The following TRPM3 variants were observed in gnomAD, a reference collection of about 807,000 sequenced individuals.
TRPM3 encodes the protein transient receptor potential cation channel subfamily M member 3.
TRPM3 carries 77 observed loss-of-function variants against 181.2 expected under a neutral mutation model. The ratio of observed to expected loss-of-function variants is 0.42; its 90% CI spans 0.35 to 0.51. TRPM3 has a LOEUF of 0.51. TRPM3 is among the 20% of genes least tolerant of loss of function. The probability of loss-of-function intolerance (pLI) is 0.01; values close to 1 mark genes in which losing one functional copy is unlikely to be tolerated. For synonymous variants in TRPM3, 745 were observed against 796.4 expected, an observed-to-expected ratio of 0.94 and a Z score of 1.09; for missense variants, 1,759 against 2,196.7, an observed-to-expected ratio of 0.80 and a Z score of 3.98.
At chr9:70,808,360 C>T (rs1389297388) in intron 6 of TRPM3, among the ~76,000 whole-genome samples, 3 of 152,186 alleles carry the variant, frequency 2.0e-5, no homozygotes, top group South Asian at 2.1e-4. Flanking sequence ...TACTTGTTTA[C>T]AAGAACTATC....
chr9:70,618,878 A>G lies in TRPM3; in HGVS notation c.2347T>C (p.Ser783Pro), dbSNP rs2063192828. 1 of 1,606,058 alleles carries G rather than the reference A, an allele frequency of 6.2e-7. No individual in the cohort carries two copies. The highest frequency in any genetic ancestry group is 1.3e-5 in the African/African-American group (1 of 74,936). ...TTGGGCGCCCTGACCTTGAGGCCTG[A>G]GTTCTTGCGCATGCGGAGCCGGCCC... ...WMGRLRMRKN[S>P]GLKVILGILL... The change falls in exon 17 of 26, where the codon TCA becomes CCA. Residue 783 changes from serine (S) to proline (P), a missense_variant. Around this residue, in one of 8 missense-constraint regions of TRPM3, gnomAD observed 114 missense variants for 134.8 expected, o/e 0.85. Transcript: ENST00000677713.
intron 6 of TRPM3, among the ~76,000 whole-genome samples, chr9:70,800,057 G>T (rs959914575): frequency 1.3e-5 from 2 of 152,080 alleles, no homozygotes; most frequent in Admixed American, 1.3e-4. Flanking sequence ...ATTGAACAAA[G>T]TTGAGCCTCT....
intron 1 of TRPM3, among the ~76,000 whole-genome samples, chr9:71,271,151 C>T (rs2083758431): frequency 6.6e-6 from 1 of 152,030 alleles, no homozygotes; most frequent in South Asian, 2.1e-4. Context: ...ACCATTATAC[C>T]TTCTCATATA....
At chr9:70,956,159 T>G (rs1004456875) in intron 1 of TRPM3, among the ~76,000 whole-genome samples, 1 of 152,118 alleles carries the variant, frequency 6.6e-6, no homozygotes, top group East Asian at 1.9e-4. Flanking sequence ...GATTAAGGAA[T>G]TGGGCATGTT....
rs371912086 is a variant in TRPM3 at position 70,537,360 on chromosome 9, C to T, written c.3753G>A (p.Glu1251=). The T allele has an allele frequency of 1.3e-6, 2 of 1,498,582 alleles. No individual in the cohort carries two copies. Among genetic ancestry groups the T allele is most frequent in the Non-Finnish European group, 1.8e-6 (2 of 1,122,798 alleles). The allele number at this position is 1,498,582 out of a possible 1,614,324, so 92.8% of individuals were successfully genotyped here. A position where few individuals can be genotyped will look rare whatever the true frequency, so the allele number is the denominator to read the frequency against. The change falls in exon 26 of 26, where the codon GAG becomes GAA. Residue 1251 remains glutamate (E), a synonymous_variant. Coordinates refer to ENST00000677713, the MANE Select transcript of TRPM3 (RefSeq NM_001366145.2). ...SMRLEEVNER[E]HSMKASLQTV... ...TCTGGAGTGAAGCCTTCATGGAGTG[C>T]TCTCTCTCGTTGACTTCCTCCAGCC... is the stretch of plus-strand genomic sequence containing the variant.
At chr9:71,196,586 C>T (rs2078381101) in intron 1 of TRPM3, among the ~76,000 whole-genome samples, 1 of 151,862 alleles carries the variant, frequency 6.6e-6, no homozygotes, top group Non-Finnish European at 1.5e-5. Context: ...TTCTTCTCTC[C>T]CCTCTCCTCC....
intron 8 of TRPM3, among the ~76,000 whole-genome samples, chr9:70,751,903 A>G (rs961693324): frequency 1.3e-5 from 2 of 152,066 alleles, no homozygotes; most frequent in Non-Finnish European, 2.9e-5. Flanking sequence ...AGGAGCTTAC[A>G]TTTATGACCT....
At chr9:71,195,067 C>T (rs2078262872) in intron 1 of TRPM3, among the ~76,000 whole-genome samples, 1 of 151,868 alleles carries the variant, frequency 6.6e-6, no homozygotes, top group Non-Finnish European at 1.5e-5. Flanking sequence ...GAGAAACAAC[C>T]TAAGAAATAC....
chr9:70,864,153 T>C (rs1255759645), intron 2 of TRPM3, among the ~76,000 whole-genome samples: 1 of 151,952 alleles, frequency 6.6e-6, no homozygotes, highest in East Asian at 1.9e-4. Flanking sequence ...GAAAAACCAA[T>C]AACCATAACA....
intron 1 of TRPM3, among the ~76,000 whole-genome samples, chr9:70,976,922 T>C (rs537260537): frequency 6.6e-6 from 1 of 152,214 alleles, no homozygotes; most frequent in East Asian, 1.9e-4. Flanking sequence ...GGTTTCTGAA[T>C]GACCCCTTCG....
intron 20 of TRPM3, among the ~76,000 whole-genome samples, chr9:70,599,550 C>G (rs72718979): frequency 0.09 from 13,649 of 152,130 alleles, 1,291 homozygotes; most frequent in African/African-American, 0.24. Flanking sequence ...TATTCTCTAC[C>G]CTGCAGCCAT....
chr9:71,002,195 C>T (rs761066791), intron 1 of TRPM3, among the ~76,000 whole-genome samples: 5 of 152,178 alleles, frequency 3.3e-5, no homozygotes, highest in African/African-American at 7.2e-5. Flanking sequence ...TCAATCCATC[C>T]GTTCGCCTAG....
intron 17 of TRPM3, among the ~76,000 whole-genome samples, chr9:70,617,049 A>G (rs2133132006): frequency 6.6e-6 from 1 of 152,314 alleles, no homozygotes; most frequent in Non-Finnish European, 1.5e-5. Context: ...GTCAGGAAAA[A>G]TGATCCTGAA....
At chr9:70,608,364 A>G (rs1218289039) in intron 19 of TRPM3, among the ~76,000 whole-genome samples, 2 of 137,728 alleles carry the variant, frequency 1.5e-5, no homozygotes, top group Non-Finnish European at 3.2e-5. Context: ...TGTTTCAAGT[A>G]TTCCTTTTCA....
chr9:70,802,639 G>C (rs553910709), intron 6 of TRPM3, among the ~76,000 whole-genome samples: 1 of 152,252 alleles, frequency 6.6e-6, no homozygotes, highest in Middle Eastern at 3.4e-3. Flanking sequence ...TGGTTGTACA[G>C]GATTGATACA....
At chr9:71,099,615 C>T (rs187078927) in intron 1 of TRPM3, among the ~76,000 whole-genome samples, 1 of 152,076 alleles carries the variant, frequency 6.6e-6, no homozygotes, top group African/African-American at 2.4e-5. Context: ...GGGTTCCCCC[C>T]CTCAAAAAAC....
At chr9:70,926,718 T>A (rs1276865116) in intron 1 of TRPM3, among the ~76,000 whole-genome samples, 1 of 152,248 alleles carries the variant, frequency 6.6e-6, no homozygotes, top group Non-Finnish European at 1.5e-5. Context: ...TTATTTAGTA[T>A]TCTGCATAGA....
Position 71,431,129 on chromosome 9 carries a change from AT to A in TRPM3, c.183+15523del, listed in dbSNP as rs199966575. 7.8e-3 allele frequency among the ~76,000 whole-genome samples: 1,185 copies of A among 152,228 alleles called. 18 individuals are homozygous for A. Among genetic ancestry groups the A allele is most frequent in the African/African-American group, 0.027 (1,125 of 41,532 alleles). On this transcript the variant is annotated intron_variant, in intron 1 of 24. Coordinates refer to the TRPM3 transcript ENST00000357533. ...ATAACTTCCCCAAATTAAACTCCTA[AT>A]GAAGACACTTATTTGTCTCTTGTCA...
chr9:71,207,898 C>T (rs2079223323), intron 1 of TRPM3, among the ~76,000 whole-genome samples: 1 of 152,052 alleles, frequency 6.6e-6, no homozygotes, highest in African/African-American at 2.4e-5. Flanking sequence ...TTTTCCTTAA[C>T]TGCTCCAAAT....
Sources: allele counts gnomAD v4.1 joint callset (sites outside exome capture counted in the v4.1 genomes callset), GRCh38; gene constraint gnomAD v4.1.1; regional missense constraint gnomAD v4.1.1; transcripts MANE v1.5; gene names NCBI Gene and HGNC (gene_info 2026-07-23, HGNC 2026-07-21).